Variants in CDH12 observed in about 807,000 individuals in gnomAD.
CDH12 encodes the protein cadherin 12.
A neutral mutation model predicts 74.1 loss-of-function variants in CDH12; 41 were observed. That is an observed-to-expected ratio of 0.55 (90% CI 0.43 to 0.72). CDH12 has a LOEUF of 0.72. Ranked by LOEUF, CDH12 falls within the 30% of genes least tolerant of loss-of-function variation. The pLI is 0.00. For missense variants in CDH12, 945 were observed against 977.2 expected, an observed-to-expected ratio of 0.97 and a Z score of 0.44; for synonymous variants, 399 against 355.0, an observed-to-expected ratio of 1.12 and a Z score of -1.39.
intron 3 of CDH12, among the ~76,000 whole-genome samples, chr5:22,234,900 CT>C (rs909081027): frequency 2.9e-4 from 43 of 148,322 alleles, no homozygotes; most frequent in African/African-American, 5.2e-4. Context: ...GACAGATGGA[CT>C]TTTTTTTTTA....
At chr5:22,221,886 G>T (rs1405561318) in intron 3 of CDH12, among the ~76,000 whole-genome samples, 1 of 151,906 alleles carries the variant, frequency 6.6e-6, no homozygotes, top group Non-Finnish European at 1.5e-5. Context: ...TGCCTGTAAA[G>T]TGATTTCCTA....
At chr5:22,315,156 G>A (rs556957688) in intron 3 of CDH12, among the ~76,000 whole-genome samples, 1 of 79,406 alleles carries the variant, frequency 1.3e-5, no homozygotes, top group Non-Finnish European at 2.7e-5. Context: ...TAGAGACGGG[G>A]TTTCACCGTG....
At chr5:21,872,421 G>T (rs1751672718) in intron 6 of CDH12, among the ~76,000 whole-genome samples, 1 of 152,158 alleles carries the variant, frequency 6.6e-6, no homozygotes, top group Admixed American at 6.5e-5. Flanking sequence ...CAATACAAAT[G>T]CTAATGCCTG....
rs192197540 is a variant in CDH12, at chr5:21,812,355, G to C, written c.1002+4590C>G. ...AATCTGATTTTATATCAGAATTCTT[G>C]TATTGCAATATTGAAGGGAAAACCT... On this transcript the variant is annotated intron_variant, in intron 9 of 14. Coordinates refer to ENST00000382254, the MANE Select transcript of CDH12 (RefSeq NM_004061.5). 3.0e-4 allele frequency among the ~76,000 whole-genome samples: 46 copies of C among 152,150 alleles called. No homozygotes were observed. In the East Asian group the frequency reaches 4.1e-3, roughly 13 times the overall value.
intron 8 of CDH12, among the ~76,000 whole-genome samples, chr5:21,841,170 A>T (rs1245821917): frequency 6.6e-6 from 1 of 152,076 alleles, no homozygotes; most frequent in East Asian, 1.9e-4. Context: ...AGAAAAAAAC[A>T]AACAACCCCA....
chr5:22,545,705 T>A (rs1235154017), intron 1 of CDH12, among the ~76,000 whole-genome samples: 1 of 152,214 alleles, frequency 6.6e-6, no homozygotes, highest in African/African-American at 2.4e-5. Context: ...ACATTTTAAA[T>A]GATGTATAAA....
intron 3 of CDH12, among the ~76,000 whole-genome samples, chr5:22,381,438 C>T (rs568169368): frequency 2.6e-5 from 4 of 152,056 alleles, no homozygotes; most frequent in East Asian, 1.9e-4. Context: ...TTTCAATCTT[C>T]GGGTTGGTCA....
chr5:22,159,148 A>T (rs534389279), intron 4 of CDH12, among the ~76,000 whole-genome samples: 1 of 152,172 alleles, frequency 6.6e-6, no homozygotes, highest in East Asian at 1.9e-4. Context: ...AAGACCTAGT[A>T]AAAAATCAGC....
intron 4 of CDH12, among the ~76,000 whole-genome samples, chr5:22,089,787 GGTGAAAAA>G (rs1368486830): frequency 2.0e-5 from 3 of 151,844 alleles, no homozygotes; most frequent in Admixed American, 6.6e-5. Context: ...GAAATTAAAA[GGTGAAAAA>G]GTCAAACAAT....
intron 3 of CDH12, among the ~76,000 whole-genome samples, chr5:22,280,648 A>G (rs1736837411): frequency 6.6e-6 from 1 of 152,206 alleles, no homozygotes; most frequent in Non-Finnish European, 1.5e-5. Flanking sequence ...TCCTCGACAC[A>G]TACACCCTCC....
chr5:22,782,723 A>T (rs1747444997), intron 1 of CDH12, among the ~76,000 whole-genome samples: 1 of 152,138 alleles, frequency 6.6e-6, no homozygotes. Context: ...ATTTTTGAAA[A>T]AGGATTATCA....
At chr5:22,528,682 T>A (rs909616392) in intron 1 of CDH12, among the ~76,000 whole-genome samples, 1 of 152,082 alleles carries the variant, frequency 6.6e-6, no homozygotes. Context: ...GACCAGCCAA[T>A]CTTATTATAT....
intron 8 of CDH12, among the ~76,000 whole-genome samples, chr5:21,822,590 A>G (rs2149953738): frequency 6.6e-6 from 1 of 152,178 alleles, no homozygotes; most frequent in Non-Finnish European, 1.5e-5. Context: ...GATTTTAGTC[A>G]AGCATACTAA....
chr5:22,058,839 G>A (rs2150202736), intron 5 of CDH12, among the ~76,000 whole-genome samples: 1 of 152,114 alleles, frequency 6.6e-6, no homozygotes, highest in East Asian at 1.9e-4. Context: ...TTGACTGATT[G>A]TATCTAACAT....
At chr5:22,467,881 AT>A (rs1745798748) in intron 2 of CDH12, among the ~76,000 whole-genome samples, 1 of 152,112 alleles carries the variant, frequency 6.6e-6, no homozygotes, top group South Asian at 2.1e-4. Flanking sequence ...ATTTTGTTTT[AT>A]TTAGGTTTCT....
intron 6 of CDH12, among the ~76,000 whole-genome samples, chr5:21,867,045 A>G (rs561375224): frequency 1.6e-4 from 25 of 151,584 alleles, no homozygotes; most frequent in South Asian, 1.0e-3. Flanking sequence ...TGAGCCTGCC[A>G]GTGCACAGAA....
At chr5:22,332,803 AAATCAAGAAAC>A (rs1398615188) in intron 3 of CDH12, among the ~76,000 whole-genome samples, 1 of 152,212 alleles carries the variant, frequency 6.6e-6, no homozygotes, top group African/African-American at 2.4e-5. Flanking sequence ...GATTATTAAA[AAATCAAGAAAC>A]AATAGATGCT....
At chr5:22,847,554 A>G (rs1737362234) in intron 1 of CDH12, among the ~76,000 whole-genome samples, 1 of 152,134 alleles carries the variant, frequency 6.6e-6, no homozygotes. Flanking sequence ...ATTAATGTTA[A>G]TTTCCTCTGG....
chr5:22,325,701 G>A (rs1198193150), intron 3 of CDH12, among the ~76,000 whole-genome samples: 14 of 152,070 alleles, frequency 9.2e-5, no homozygotes, highest in Middle Eastern at 6.8e-3. Flanking sequence ...CCTGGCTAAC[G>A]CGGTGAAACC....
Sources: allele counts gnomAD v4.1 joint callset (sites outside exome capture counted in the v4.1 genomes callset), GRCh38; gene constraint gnomAD v4.1.1; transcripts MANE v1.5; gene names NCBI Gene and HGNC (gene_info 2026-07-23, HGNC 2026-07-21).